The following VWC2L variants were observed in gnomAD, a reference collection of about 807,000 sequenced individuals.
The protein encoded by VWC2L is von Willebrand factor C domain-containing protein 2-like.
VWC2L carries 10 observed loss-of-function variants against 21.6 expected under a neutral mutation model. The observed-to-expected ratio is 0.46, with a 90% CI of 0.29 to 0.78. VWC2L has a LOEUF of 0.78. VWC2L is among the 30% of genes least tolerant of loss of function. The pLI is 0.10. For missense variants in VWC2L, 209 were observed against 277.1 expected (o/e 0.75, Z 1.74); for synonymous variants, 96 against 94.3 (o/e 1.02, Z -0.10).
intron 3 of VWC2L, among the ~76,000 whole-genome samples, chr2:214,554,522 G>T (rs995462157): frequency 5.3e-5 from 8 of 152,090 alleles, no homozygotes; most frequent in African/African-American, 1.9e-4. Context: ...AATTAGCCGG[G>T]TGTGGTGGTG....
At chr2:214,536,995 C>A in intron 3 of VWC2L, 1 of 151,764 alleles carries the variant, frequency 6.6e-6, no homozygotes, top group African/African-American at 2.4e-5. Flanking sequence ...CACACACACA[C>A]ACACGCACAC....
intron 3 of VWC2L, among the ~76,000 whole-genome samples, chr2:214,462,977 C>T (rs941536542): frequency 7.9e-5 from 12 of 152,000 alleles, no homozygotes; most frequent in East Asian, 3.8e-4. Flanking sequence ...TCCACAAAGA[C>T]GAAAGAACAT....
chr2:214,532,846 C>T (rs1021198668), intron 3 of VWC2L, among the ~76,000 whole-genome samples: 11 of 151,904 alleles, frequency 7.2e-5, no homozygotes, highest in Non-Finnish European at 1.0e-4. Context: ...TGCCTGAGAC[C>T]GGATAGGAAC....
chr2:214,552,643 T>C (rs1277484548), intron 3 of VWC2L, among the ~76,000 whole-genome samples: 1 of 152,224 alleles, frequency 6.6e-6, no homozygotes, highest in African/African-American at 2.4e-5. Flanking sequence ...TTCCCAGGGT[T>C]CTATTTCTCT....
intron 3 of VWC2L, among the ~76,000 whole-genome samples, chr2:214,561,809 T>TATATATACACATATATATATATAC: frequency 7.9e-6 from 1 of 127,246 alleles, no homozygotes; most frequent in African/African-American, 3.5e-5. Flanking sequence ...TATATATATA[T>TATATATACACATATATATATATAC]ACACACACAT....
chr2:214,477,918 A>T (rs1688548813), intron 3 of VWC2L, among the ~76,000 whole-genome samples: 2 of 152,176 alleles, frequency 1.3e-5, no homozygotes, highest in Non-Finnish European at 2.9e-5. Context: ...GCTAACAGAG[A>T]TTATGAAAAA....
At chr2:214,511,681 GT>G (rs1689055405) in intron 3 of VWC2L, among the ~76,000 whole-genome samples, 1 of 151,916 alleles carries the variant, frequency 6.6e-6, no homozygotes, top group South Asian at 2.1e-4. Flanking sequence ...GTGGTATTTC[GT>G]TATGGCAGTC....
At position 214,533,545 on chromosome 2, in the gene VWC2L, A is replaced by G. The variant is rs939150490; in HGVS notation, c.521-42127A>G. 3.6e-5 allele frequency among the ~76,000 whole-genome samples: 4 copies of G among 111,108 alleles called. No individual in the cohort carries two copies. The East Asian group carries it at 1.6e-3, about 44-fold the overall frequency. The allele number at this position is 111,108 out of a possible 152,430, so 72.9% of individuals were successfully genotyped here. ...ACTCCCTTGTAGGGCATAGAGGGGA[A>G]AAAGAAAAAAAAAAAGCCAAGAGAT... On this transcript the variant is annotated intron_variant, in intron 3 of 3. Transcript: ENST00000312504.
At chr2:214,495,474 T>C (rs1355579246) in intron 3 of VWC2L, among the ~76,000 whole-genome samples, 1 of 152,154 alleles carries the variant, frequency 6.6e-6, no homozygotes. Context: ...AGATAATAAA[T>C]CCAGGGGTCT....
chr2:214,525,102 A>G (rs1212395074), intron 3 of VWC2L: 1 of 151,360 alleles, frequency 6.6e-6, no homozygotes, highest in East Asian at 1.9e-4. Flanking sequence ...TAATGGGATC[A>G]TTAGTTCCTA....
chr2:214,439,295 A>T (rs1361528256), intron 3 of VWC2L, among the ~76,000 whole-genome samples: 1 of 152,018 alleles, frequency 6.6e-6, no homozygotes, highest in African/African-American at 2.4e-5. Flanking sequence ...TTATGACAGT[A>T]TAACTGGAAT....
intron 3 of VWC2L, among the ~76,000 whole-genome samples, chr2:214,451,964 C>T (rs959033723): frequency 2.0e-5 from 3 of 152,116 alleles, no homozygotes; most frequent in Non-Finnish European, 4.4e-5. Flanking sequence ...CAAGATAATA[C>T]ACATATTCAT....
intron 3 of VWC2L, among the ~76,000 whole-genome samples, chr2:214,535,750 A>T (rs1689516457): frequency 6.6e-6 from 1 of 151,972 alleles, no homozygotes; most frequent in Non-Finnish European, 1.5e-5. Context: ...TTATAACAAA[A>T]GTCAACAGGA....
chr2:214,458,759 T>C (rs906819625), intron 3 of VWC2L, among the ~76,000 whole-genome samples: 2 of 152,208 alleles, frequency 1.3e-5, no homozygotes, highest in Admixed American at 1.3e-4. Flanking sequence ...TTTCTAGTTT[T>C]ATTTCATTGT....
At chr2:214,435,941 TATC>T (rs1315225343) in intron 2 of VWC2L, among the ~76,000 whole-genome samples, 1 of 152,164 alleles carries the variant, frequency 6.6e-6, no homozygotes, top group African/African-American at 2.4e-5. Context: ...TTCTCTTAAT[TATC>T]ATTTTTAGTT....
chr2:214,566,375 G>A (rs1416473700), intron 3 of VWC2L, among the ~76,000 whole-genome samples: 1 of 151,964 alleles, frequency 6.6e-6, no homozygotes, highest in South Asian at 2.1e-4. Flanking sequence ...CTCTCTTCAC[G>A]CCAGCCCTTG....
chr2:214,440,892 T>C (rs1456373995), intron 3 of VWC2L, among the ~76,000 whole-genome samples: 2 of 152,162 alleles, frequency 1.3e-5, no homozygotes, highest in Non-Finnish European at 1.5e-5. Context: ...ATTAGCTGGT[T>C]TGTCAGTGAG....
At chr2:214,444,728 G>T (rs917326598) in intron 3 of VWC2L, among the ~76,000 whole-genome samples, 2 of 151,976 alleles carry the variant, frequency 1.3e-5, no homozygotes, top group Non-Finnish European at 2.9e-5. Context: ...TAACCCATGT[G>T]TGTATTACAA....
rs996976513 is a variant in VWC2L, at chr2:214,577,207, G to C, written c.*1387G>C. On this transcript the variant is annotated 3_prime_UTR_variant, in exon 4 of 4. Transcript: ENST00000312504. Reference sequence around the variant, plus strand: ...ATAGGGTCCTTGAAGAGACTTTACAGTTGTCTTTATTATCAATGTTCTTTC... The same window carrying C: ...ATAGGGTCCTTGAAGAGACTTTACACTTGTCTTTATTATCAATGTTCTTTC... 3 of 152,164 alleles carry C rather than the reference G, an allele frequency of 2.0e-5. No individual in the cohort carries two copies. The highest frequency in any genetic ancestry group is 2.0e-4 in the Admixed American group (3 of 15,272). The allele number at this position is 152,164 out of a possible 1,614,324, so 9.4% of individuals were successfully genotyped here. A position where few individuals can be genotyped will look rare whatever the true frequency, so the allele number is the denominator to read the frequency against.
Sources: allele counts gnomAD v4.1 joint callset (sites outside exome capture counted in the v4.1 genomes callset), GRCh38; gene constraint gnomAD v4.1.1; transcripts MANE v1.5; gene names NCBI Gene and HGNC (gene_info 2026-07-23, HGNC 2026-07-21).